ARHGEF10L: variants seen among roughly 807,000 people sequenced by gnomAD.
ARHGEF10L encodes rho guanine nucleotide exchange factor 10-like protein.
A neutral mutation model predicts 141.2 loss-of-function variants in ARHGEF10L; 69 were observed. The ratio of observed to expected loss-of-function variants is 0.49; its 90% CI spans 0.40 to 0.60. ARHGEF10L has a LOEUF of 0.60. ARHGEF10L is among the 20% of genes least tolerant of loss of function. The pLI, the probability that ARHGEF10L is intolerant of heterozygous loss-of-function variation, is 0.00. For missense variants in ARHGEF10L, 1,482 were observed against 1,734.3 expected (o/e 0.85, Z 2.58); for synonymous variants, 711 against 718.5 (o/e 0.99, Z 0.17).
At position 17,614,356 on chromosome 1, in the gene ARHGEF10L, T is replaced by C. The variant is rs72921058; in HGVS notation, c.726+1182T>C. ...GCTAGAGAAGGGCAGAGTCTAAGAC[T>C]GGGCCTTTCCCCCGCTTCGGCCACA... On this transcript the variant is annotated intron_variant, in intron 8 of 28. Coordinates refer to ENST00000361221, the MANE Select transcript of ARHGEF10L (RefSeq NM_018125.4). Among the ~76,000 whole-genome samples, 769 of 152,338 alleles carry C rather than the reference T, an allele frequency of 5.0e-3. 9 individuals are homozygous for C. Among genetic ancestry groups the C allele is most frequent in the African/African-American group, 0.016 (676 of 41,576 alleles).
At chr1:17,669,704 A>C (rs1450221283) in intron 26 of ARHGEF10L, among the ~76,000 whole-genome samples, 1 of 152,196 alleles carries the variant, frequency 6.6e-6, no homozygotes, top group Non-Finnish European at 1.5e-5. Context: ...TTCCGGGCCG[A>C]GGACTGTGTT....
chr1:17,587,227 A>G (rs2100641709), intron 2 of ARHGEF10L, among the ~76,000 whole-genome samples: 1 of 152,308 alleles, frequency 6.6e-6, no homozygotes, highest in East Asian at 1.9e-4. Flanking sequence ...TCGCCCTGGG[A>G]GCACACTCCC....
chr1:17,638,276 C>T (rs1211595619), intron 19 of ARHGEF10L, among the ~76,000 whole-genome samples: 4 of 152,204 alleles, frequency 2.6e-5, no homozygotes, highest in Non-Finnish European at 5.9e-5. Context: ...GTGGCCATTC[C>T]GTTATGTGGC....
chr1:17,627,619 G>C lies in ARHGEF10L; in HGVS notation c.1584+116G>C. On this transcript the variant is annotated intron_variant, in intron 15 of 28. Transcript: ENST00000361221. This position sits in a 1 kb window ranked among gnomAD's most constrained non-coding sequence, Gnocchi z 4.0. ...TGGCAGTGTTCTCTGAGGGAGGGGA[G>C]GCCTTGCTCTTCCAAGGATGTGACC... 1.5e-6 allele frequency: 2 copies of C among 1,295,746 alleles called. No homozygotes were observed. The highest frequency in any genetic ancestry group is 2.9e-5 in the South Asian group (2 of 68,280). The allele number at this position is 1,295,746 out of a possible 1,614,324, so 80.3% of individuals were successfully genotyped here.
intron 26 of ARHGEF10L, among the ~76,000 whole-genome samples, chr1:17,672,378 G>A (rs1282872797): frequency 6.6e-6 from 1 of 152,080 alleles, no homozygotes; most frequent in Non-Finnish European, 1.5e-5. Context: ...ATTTGCAAAA[G>A]AGAAATTCAG....
chr1:17,688,807 A>G (rs964529796), intron 27 of ARHGEF10L, among the ~76,000 whole-genome samples: 1 of 152,074 alleles, frequency 6.6e-6, no homozygotes, highest in Non-Finnish European at 1.5e-5. Context: ...TGCCTACCCC[A>G]GGGGCCCGGT....
At position 17,607,359 on chromosome 1, in the gene ARHGEF10L, C is replaced by T. The variant is rs1049892424; in HGVS notation, c.434-443C>T. Among the ~76,000 whole-genome samples the T allele has an allele frequency of 3.9e-5, 6 of 152,124 alleles. No individual in the cohort carries two copies. Among genetic ancestry groups the T allele is most frequent in the Non-Finnish European group, 7.3e-5 (5 of 68,030 alleles). The stretch of plus-strand genomic sequence containing the variant: ...GTGTGATGGTGCACACCTGTAGTCC[C>T]GGCTACCTGGGAAGCTGAGATAGGA... On this transcript the variant is annotated intron_variant, in intron 6 of 28. Transcript: ENST00000361221. The surrounding 1 kb of genome is among the most constrained non-coding windows in gnomAD (Gnocchi z 4.5).
At chr1:17,564,368 A>G (rs988502000) in intron 1 of ARHGEF10L, among the ~76,000 whole-genome samples, 14 of 152,132 alleles carry the variant, frequency 9.2e-5, no homozygotes, top group African/African-American at 2.9e-4. Flanking sequence ...TGCCGCTGCA[A>G]CACTTCAGGG....
chr1:17,545,952 C>G (rs1381969358), intron 1 of ARHGEF10L, among the ~76,000 whole-genome samples: 1 of 152,152 alleles, frequency 6.6e-6, no homozygotes, highest in Non-Finnish European at 1.5e-5. Context: ...TGCAAAGGCT[C>G]AGAGGCATGA....
In ARHGEF10L at chr1:17,623,577, G is replaced by C. The variant is rs2060222574; in HGVS notation, c.1200+402G>C. On this transcript the variant is annotated intron_variant, in intron 12 of 28. Coordinates refer to ENST00000361221, the MANE Select transcript of ARHGEF10L (RefSeq NM_018125.4). This position sits in a 1 kb window ranked among gnomAD's most constrained non-coding sequence, Gnocchi z 4.7. Reference sequence around the variant, plus strand: ...CCGGAGAGGATGTGCCGCAGTGCTGGGGAAAGGGCACTGGCTCACGATCCG... The same window carrying C: ...CCGGAGAGGATGTGCCGCAGTGCTGCGGAAAGGGCACTGGCTCACGATCCG... Among the ~76,000 whole-genome samples, 1 of 152,180 alleles carries C rather than the reference G, an allele frequency of 6.6e-6. No homozygotes were observed. The highest frequency in any genetic ancestry group is 2.4e-5 in the African/African-American group (1 of 41,458).
At chr1:17,576,320 G>C (rs2078223092) in intron 1 of ARHGEF10L, among the ~76,000 whole-genome samples, 1 of 152,110 alleles carries the variant, frequency 6.6e-6, no homozygotes, top group African/African-American at 2.4e-5. Flanking sequence ...GAAGACACCT[G>C]CTGTGATGAG....
intron 1 of ARHGEF10L, among the ~76,000 whole-genome samples, chr1:17,568,366 A>G (rs2077849184): frequency 6.6e-6 from 1 of 152,212 alleles, no homozygotes; most frequent in Non-Finnish European, 1.5e-5. Context: ...AGAGGAAACC[A>G]GGGATCGGAG....
In ARHGEF10L at chr1:17,621,305, C is replaced by T. The variant is rs1421881040; in HGVS notation, c.943-559C>T. Among the ~76,000 whole-genome samples the T allele has an allele frequency of 6.6e-6, 1 of 152,042 alleles. No homozygotes were observed. Among genetic ancestry groups the T allele is most frequent in the Non-Finnish European group, 1.5e-5 (1 of 67,990 alleles). ...TGGAGTGCAGTGGCGCGATCTTGGC[C>T]CACTGCAACCTCTGCCTCCCAGGTT... On this transcript the variant is annotated intron_variant, in intron 10 of 28. Coordinates refer to ENST00000361221, the MANE Select transcript of ARHGEF10L (RefSeq NM_018125.4). The surrounding 1 kb of genome is among the most constrained non-coding windows in gnomAD (Gnocchi z 4.1).
intron 27 of ARHGEF10L, chr1:17,689,802 T>C (rs2064959376): frequency 2.2e-6 from 1 of 455,816 alleles, no homozygotes. Context: ...TTAAAAATCT[T>C]TGGAATCTCG....
rs1035052910 is a variant in ARHGEF10L, at chr1:17,542,972, G to A, written c.-44+3022G>A. On this transcript the variant is annotated intron_variant, in intron 1 of 28. Coordinates refer to ENST00000361221, the MANE Select transcript of ARHGEF10L (RefSeq NM_018125.4). ...TGTTCTTGCCCTCAAGGGGTCTAAA[G>A]TCCAGGAGAGAATCAGGCTCTTTAA... Among the ~76,000 whole-genome samples the A allele has an allele frequency of 4.6e-5, 7 of 152,328 alleles. No individual in the cohort carries two copies. The East Asian group carries it at 5.8e-4, about 13-fold the overall frequency.
At chr1:17,689,710 A>G (rs1485220223) in intron 27 of ARHGEF10L, 1 of 451,192 alleles carries the variant, frequency 2.2e-6, no homozygotes, top group Admixed American at 2.4e-5. Flanking sequence ...TCTGTATCAC[A>G]AAACTATCTC....
At position 17,564,478 on chromosome 1, in the gene ARHGEF10L, C is replaced by T. The variant is rs187014964; in HGVS notation, c.-43-16075C>T. 3.8e-3 allele frequency among the ~76,000 whole-genome samples: 572 copies of T among 152,314 alleles called. 4 individuals carry two copies. Among genetic ancestry groups the T allele is most frequent in the African/African-American group, 0.013 (547 of 41,562 alleles). On this transcript the variant is annotated intron_variant, in intron 1 of 28. Coordinates refer to ENST00000361221, the MANE Select transcript of ARHGEF10L (RefSeq NM_018125.4). Reference sequence around the variant, plus strand: ...TCCTACTTGCTCCCATGGGTGGAGGCTTCATGGTCCCACCTGAGTGTACCC... The same window carrying T: ...TCCTACTTGCTCCCATGGGTGGAGGTTTCATGGTCCCACCTGAGTGTACCC...
intron 2 of ARHGEF10L, among the ~76,000 whole-genome samples, chr1:17,583,202 T>TA (rs59088704): frequency 0.52 from 57,855 of 111,638 alleles, 15,597 homozygotes; most frequent in African/African-American, 0.65. Context: ...GAGCTTCATT[T>TA]AAAAAAAAAA....
rs2062285595 is a variant in ARHGEF10L at position 17,656,765 on chromosome 1, A to G, written c.2860+57A>G. The G allele has an allele frequency of 6.4e-7, 1 of 1,566,544 alleles. No individual in the cohort carries two copies. The highest frequency in any genetic ancestry group is 1.7e-5 in the Admixed American group (1 of 57,740). On this transcript the variant is annotated intron_variant, in intron 25 of 28. Coordinates refer to ENST00000361221, the MANE Select transcript of ARHGEF10L (RefSeq NM_018125.4). The surrounding 1 kb of genome is among the most constrained non-coding windows in gnomAD (Gnocchi z 4.9). Reference sequence around the variant, plus strand: ...CAGTCCTGGATGCCAGCTGGGTGCCAGATTCTCTACCAAGAGAGGATACAG... The same window carrying G: ...CAGTCCTGGATGCCAGCTGGGTGCCGGATTCTCTACCAAGAGAGGATACAG...
Sources: gnomAD v4.1 joint callset for allele counts (sites outside exome capture counted in the v4.1 genomes callset) on GRCh38, gnomAD v4.1.1 for gene constraint, Gnocchi (gnomAD v3.1) non-coding constraint, MANE v1.5 for transcripts, NCBI Gene and HGNC (gene_info 2026-07-23, HGNC 2026-07-21) for gene names.